Variants in TBX1 observed in about 807,000 individuals in gnomAD.
TBX1 encodes T-box transcription factor TBX1.
In TBX1, 16 loss-of-function variants were observed where a neutral mutation model predicts 40.8. That is an observed-to-expected ratio of 0.39 (90% CI 0.27 to 0.60). TBX1 has a LOEUF of 0.60. Ranked by LOEUF, TBX1 falls within the 20% of genes least tolerant of loss-of-function variation. The probability of loss-of-function intolerance (pLI) is 0.51; values close to 1 mark genes in which losing one functional copy is unlikely to be tolerated. For missense variants in TBX1, 755 were observed against 728.5 expected (o/e 1.04, Z -0.42); for synonymous variants, 403 against 336.8 (o/e 1.20, Z -2.15).
chr22:19,773,571 C>G (rs970588603), intron 8 of TBX1, among the ~76,000 whole-genome samples: 1 of 152,228 alleles, frequency 6.6e-6, no homozygotes, highest in Non-Finnish European at 1.5e-5. Flanking sequence ...GCAGGCACCC[C>G]CTTCAGGAGA....
intron 6 of TBX1, 44 bp downstream of exon 6, chr22:19,766,046 C>T (rs1319708271): frequency 2.8e-6 from 4 of 1,432,762 alleles, no homozygotes; most frequent in East Asian, 3.1e-5. Context: ...CCTGTGCGCG[C>T]TCTACCCCGG....
upstream of TBX1, among the ~76,000 whole-genome samples, chr22:19,758,528 G>A (rs1000182999): frequency 5.9e-5 from 9 of 152,296 alleles, no homozygotes; most frequent in Middle Eastern, 3.4e-3. Context: ...GCCTCACTCT[G>A]CCCAGCCTGG....
chr22:19,771,142 C>T (rs1936983488), downstream of TBX1, among the ~76,000 whole-genome samples: 1 of 152,190 alleles, frequency 6.6e-6, no homozygotes, highest in Admixed American at 6.5e-5. Context: ...CCTGCCTCTC[C>T]TCCTTGCCAA....
chr22:19,766,945 C>T lies in TBX1; in HGVS notation c.*78C>T. 6.5e-7 allele frequency: 1 copy of T among 1,544,298 alleles called. No homozygotes were observed. The highest frequency in any genetic ancestry group is 8.7e-7 in the Non-Finnish European group (1 of 1,155,020). On this transcript the variant is annotated 3_prime_UTR_variant, in exon 7 of 7. Coordinates refer to ENST00000649276, the MANE Select transcript of TBX1 (RefSeq NM_001379200.1). ...GGGCCCGGCCACCCTGCCCCAAGGG[C>T]AAGCAAGGAATACGTTCCCCCAGCC...
intron 1 of TBX1, among the ~76,000 whole-genome samples, chr22:19,762,540 G>A (rs1037820249): frequency 2.0e-5 from 3 of 152,240 alleles, no homozygotes; most frequent in African/African-American, 7.2e-5. Flanking sequence ...CACTGAGCCA[G>A]GGTCCAAAGC....
At chr22:19,767,571 C>A (rs982650631), downstream of TBX1, among the ~76,000 whole-genome samples, 1 of 152,204 alleles carries the variant, frequency 6.6e-6, no homozygotes, top group Non-Finnish European at 1.5e-5. Flanking sequence ...CCTGTGCACT[C>A]CCCCCACCTT....
At chr22:19,783,224 C>A, downstream of TBX1, 2 of 606,516 alleles carry the variant, frequency 3.3e-6, no homozygotes, top group Non-Finnish European at 6.0e-6. Flanking sequence ...TTATGCTGCT[C>A]TGTTTGAGGT....
intron 8 of TBX1, among the ~76,000 whole-genome samples, chr22:19,778,428 CTTTT>C (rs1433183206): frequency 2.0e-5 from 3 of 149,508 alleles, no homozygotes; most frequent in Admixed American, 2.0e-4. Context: ...TTCTTTCTTT[CTTTT>C]CTTCTTCTTT....
chr22:19,766,717 C>T lies in TBX1; in HGVS notation c.1365C>T (p.Tyr455=). The part of the protein sequence containing the change: ...YPLPGLRGHG[Y]HPHAHPHHHH... ...TGCCCGGCCTGCGTGGCCACGGCTA[C>T]CACCCGCACGCGCATCCGCACCACC... The change falls in exon 7 of 7, where the codon TAC becomes TAT. Residue 455 remains tyrosine (Y), a synonymous_variant. Transcript: ENST00000649276. 1 of 1,543,230 alleles carries T rather than the reference C, an allele frequency of 6.5e-7. No homozygotes were observed. The highest frequency in any genetic ancestry group is 8.7e-7 in the Non-Finnish European group (1 of 1,154,118).
chr22:19,765,966 G>C lies in TBX1; in HGVS notation c.1000G>C (p.Val334Leu). ...MSAFARSRNP[V>L]ASPTQPSGTE... Reference sequence around the variant, plus strand: ...CGCCTTCGCGCGCTCGCGGAACCCCGTGGCTTCCCCGACGCAGCCCAGCGG... The same window carrying C: ...CGCCTTCGCGCGCTCGCGGAACCCCCTGGCTTCCCCGACGCAGCCCAGCGG... Residue 334 changes from valine (V) to leucine (L), a missense_variant, in exon 6 of 7, where the codon GTG becomes CTG. By Grantham distance (32) the Val-to-Leu change is conservative. Coordinates refer to ENST00000649276, the MANE Select transcript of TBX1 (RefSeq NM_001379200.1). The C allele has an allele frequency of 2.0e-6, 3 of 1,518,626 alleles. No individual in the cohort carries two copies. The highest frequency in any genetic ancestry group is 2.7e-5 in the East Asian group (1 of 37,698). 94.1% of individuals were successfully genotyped at this position (1,518,626 alleles called of 1,614,324 possible).
intron 1 of TBX1, 50 bp downstream of exon 1, chr22:19,761,330 G>T: frequency 6.6e-7 from 1 of 1,504,128 alleles, no homozygotes; most frequent in South Asian, 1.2e-5. Flanking sequence ...GCTGCCGCCA[G>T]GGCTGCGGGC....
At chr22:19,781,018 G>A (rs41298034), downstream of TBX1, among the ~76,000 whole-genome samples, 17 of 152,110 alleles carry the variant, frequency 1.1e-4, no homozygotes, top group East Asian at 1.7e-3. Flanking sequence ...TCCTGACCTC[G>A]TGATCCACCC....
downstream of TBX1, among the ~76,000 whole-genome samples, chr22:19,768,324 C>T (rs1290159541): frequency 1.3e-5 from 2 of 152,232 alleles, no homozygotes; most frequent in South Asian, 2.1e-4. Context: ...TGTCCACCCT[C>T]GCGGACCTGT....
chr22:19,779,445 G>A, exon 9 of TBX1: 1 of 1,613,462 alleles, frequency 6.2e-7, no homozygotes, highest in Non-Finnish European at 8.5e-7. Flanking sequence ...GAGTTGTCGT[G>A]TTTCCCTTCA....
At chr22:19,759,738 T>C (rs1255029372), upstream of TBX1, 1 of 1,591,792 alleles carries the variant, frequency 6.3e-7, no homozygotes, top group Non-Finnish European at 8.6e-7. Flanking sequence ...TCAGCTGCTG[T>C]GGGGCCCGGG....
chr22:19,764,836 G>GT, intron 3 of TBX1, 122 bp from the exon 4 acceptor site: 3 of 1,239,872 alleles, frequency 2.4e-6, no homozygotes, highest in Non-Finnish European at 3.5e-6. Flanking sequence ...GGAATTAAGG[G>GT]TTTTGCCCAA....
downstream of TBX1, among the ~76,000 whole-genome samples, chr22:19,780,183 G>A (rs1937125625): frequency 6.6e-6 from 1 of 152,128 alleles, no homozygotes; most frequent in Non-Finnish European, 1.5e-5. Flanking sequence ...GTGGCATGAA[G>A]TCCATCCACA....
At chr22:19,767,614 G>A (rs1251749313), downstream of TBX1, among the ~76,000 whole-genome samples, 1 of 152,182 alleles carries the variant, frequency 6.6e-6, no homozygotes, top group African/African-American at 2.4e-5. Flanking sequence ...ACCTCCCCAG[G>A]GCTGGTGGTA....
At chr22:19,761,544 C>A (rs1936664151) in intron 1 of TBX1, among the ~76,000 whole-genome samples, 1 of 151,634 alleles carries the variant, frequency 6.6e-6, no homozygotes, top group South Asian at 2.1e-4. Flanking sequence ...GCGAGGAGCC[C>A]CGCGGGACTC....
Sources: allele counts gnomAD v4.1 joint callset (sites outside exome capture counted in the v4.1 genomes callset), GRCh38; gene constraint gnomAD v4.1.1; transcripts MANE v1.5; gene names NCBI Gene and HGNC (gene_info 2026-07-23, HGNC 2026-07-21).